The following RGS5 variants were observed in gnomAD, a reference collection of about 807,000 sequenced individuals.
RGS5 encodes the protein regulator of G-protein signalling 5.
RGS5 carries 20 observed loss-of-function variants against 18.9 expected under a neutral mutation model. That is an observed-to-expected ratio of 1.06 (90% confidence interval 0.74 to 1.54). The LOEUF (loss-of-function observed/expected upper bound fraction) is 1.54. Among genes scored for constraint, RGS5 ranks in the 40% most tolerant of loss-of-function variants. The pLI is 0.00. For missense variants in RGS5, 201 were observed against 211.8 expected, an observed-to-expected ratio of 0.95 and a Z score of 0.32; for synonymous variants, 57 against 76.2, an observed-to-expected ratio of 0.75 and a Z score of 1.31.
intron 2 of RGS5, among the ~76,000 whole-genome samples, chr1:163,269,680 A>G (rs1361018523): frequency 6.6e-6 from 1 of 152,192 alleles, no homozygotes. Flanking sequence ...AATGCCTAGA[A>G]TTTAAAAATC....
At position 163,147,206 on chromosome 1, in the gene RGS5, C is replaced by G; in HGVS notation, c.*136G>C. The G allele has an allele frequency of 3.4e-6, 3 of 885,770 alleles. No homozygotes were observed. The highest frequency in any genetic ancestry group is 4.6e-5 in the South Asian group (2 of 43,102). The allele number at this position is 885,770 out of a possible 1,614,324, so 54.9% of individuals were successfully genotyped here. A position where few individuals can be genotyped will look rare whatever the true frequency, so the allele number is the denominator to read the frequency against. On this transcript the variant is annotated 3_prime_UTR_variant, in exon 5 of 5. Coordinates refer to ENST00000313961, the MANE Select transcript of RGS5 (RefSeq NM_003617.4). ...AAGCAGTGTGGGCAAAAAGAGTAAG[C>G]AACATCCCCTGGGATTTTTCCCATG...
chr1:163,150,514 T>C (rs528929949), intron 4 of RGS5, among the ~76,000 whole-genome samples: 9 of 152,268 alleles, frequency 5.9e-5, no homozygotes, highest in Non-Finnish European at 1.0e-4. Context: ...CTTGTCAATA[T>C]ATACAGAGAA....
At chr1:163,182,132 A>G (rs1411157085) in intron 1 of RGS5, among the ~76,000 whole-genome samples, 2 of 152,138 alleles carry the variant, frequency 1.3e-5, no homozygotes, top group African/African-American at 4.8e-5. Flanking sequence ...TGTGTTGATT[A>G]ATAATATGTT....
At chr1:163,175,704 C>T (rs1338075818) in intron 1 of RGS5, among the ~76,000 whole-genome samples, 1 of 152,192 alleles carries the variant, frequency 6.6e-6, no homozygotes, top group Non-Finnish European at 1.5e-5. Context: ...TGTGCTTTAA[C>T]AGCATATGAA....
At chr1:163,151,258 T>C (rs565684335) in intron 4 of RGS5, among the ~76,000 whole-genome samples, 1 of 152,278 alleles carries the variant, frequency 6.6e-6, no homozygotes, top group East Asian at 1.9e-4. Flanking sequence ...ATATTTTGAT[T>C]TTCATGAGTA....
intron 1 of RGS5, among the ~76,000 whole-genome samples, chr1:163,309,498 C>CTTT: frequency 6.7e-6 from 1 of 150,218 alleles, no homozygotes. Context: ...CTAAGGAAAC[C>CTTT]TTTTTTTTTT....
At chr1:163,150,299 T>A (rs1657322784) in intron 4 of RGS5, among the ~76,000 whole-genome samples, 1 of 152,218 alleles carries the variant, frequency 6.6e-6, no homozygotes, top group South Asian at 2.1e-4. Flanking sequence ...TATTTTAGGT[T>A]AATGTCTCAT....
intron 2 of RGS5, among the ~76,000 whole-genome samples, chr1:163,224,523 A>G (rs1259516117): frequency 5.3e-5 from 8 of 152,180 alleles, no homozygotes; most frequent in Admixed American, 2.0e-4. Context: ...GGGAGTGCAG[A>G]TATCTCTTCG....
At chr1:163,284,784 C>T (rs909618764) in intron 2 of RGS5, among the ~76,000 whole-genome samples, 1 of 151,946 alleles carries the variant, frequency 6.6e-6, no homozygotes, top group African/African-American at 2.4e-5. Context: ...TCCCTCTCTC[C>T]TCCCCTCCCT....
intron 1 of RGS5, among the ~76,000 whole-genome samples, chr1:163,173,093 G>T (rs1454945855): frequency 6.6e-6 from 1 of 152,130 alleles, no homozygotes; most frequent in Non-Finnish European, 1.5e-5. Context: ...ACCATCCAGA[G>T]AAGATAATTT....
chr1:163,216,673 G>T (rs753712514), intron 1 of RGS5, among the ~76,000 whole-genome samples: 1 of 152,034 alleles, frequency 6.6e-6, no homozygotes. Flanking sequence ...CTCTAATACT[G>T]GATTCACTGA....
At chr1:163,203,719 C>A (rs1039256352), upstream of RGS5, among the ~76,000 whole-genome samples, 7 of 152,114 alleles carry the variant, frequency 4.6e-5, no homozygotes, top group Non-Finnish European at 8.8e-5. Flanking sequence ...TCTGATTATA[C>A]TTTGCTTGGA....
In RGS5 at chr1:163,147,328, G is replaced by C. The variant is rs773829742; in HGVS notation, c.*14C>G. The C allele has an allele frequency of 6.4e-7, 1 of 1,573,218 alleles. No homozygotes were observed. Among genetic ancestry groups the C allele is most frequent in the Non-Finnish European group, 8.6e-7 (1 of 1,162,790 alleles). ...AAATAACTCACAGGATGATTTCATA[G>C]CCTGGCTAAATTACTACTTGATTAA... On this transcript the variant is annotated 3_prime_UTR_variant, in exon 5 of 5. Transcript: ENST00000313961.
intron 1 of RGS5, among the ~76,000 whole-genome samples, chr1:163,177,479 A>G (rs1475581003): frequency 6.6e-6 from 1 of 152,222 alleles, no homozygotes; most frequent in Admixed American, 6.5e-5. Context: ...GGATTTCATT[A>G]TGCATAGGGT....
chr1:163,257,551 T>C (rs1466158923), intron 2 of RGS5, among the ~76,000 whole-genome samples: 1 of 152,142 alleles, frequency 6.6e-6, no homozygotes, highest in Non-Finnish European at 1.5e-5. Flanking sequence ...CATTTAAAAT[T>C]AATCTTGTTT....
At chr1:163,218,799 T>C (rs1041633627), upstream of RGS5, among the ~76,000 whole-genome samples, 1 of 152,208 alleles carries the variant, frequency 6.6e-6, no homozygotes, top group African/African-American at 2.4e-5. Flanking sequence ...ACAAAGAGAT[T>C]GCCTCAGGAT....
Position 163,144,997 on chromosome 1 carries a change from A to G in RGS5, c.*2345T>C, listed in dbSNP as rs977803833. 1 of 152,212 alleles carries G rather than the reference A, an allele frequency of 6.6e-6. No homozygotes were observed. Among genetic ancestry groups the G allele is most frequent in the African/African-American group, 2.4e-5 (1 of 41,474 alleles). 9.4% of individuals were successfully genotyped at this position (152,212 alleles called of 1,614,324 possible). A position where few individuals can be genotyped will look rare whatever the true frequency, so the allele number is the denominator to read the frequency against. ...TAGATATAGATAGATAGATATATGT[A>G]GATATATAGATATAATGTCACAATA... On this transcript the variant is annotated 3_prime_UTR_variant, in exon 5 of 5. Transcript: ENST00000313961.
chr1:163,267,096 A>G (rs1280251227), intron 2 of RGS5, among the ~76,000 whole-genome samples: 3 of 151,984 alleles, frequency 2.0e-5, no homozygotes, highest in Non-Finnish European at 4.4e-5. Flanking sequence ...CCTAACCCTC[A>G]ATGTAACAGT....
intron 2 of RGS5, among the ~76,000 whole-genome samples, chr1:163,276,477 A>G (rs953707860): frequency 6.6e-6 from 1 of 152,240 alleles, no homozygotes; most frequent in African/African-American, 2.4e-5. Context: ...TTACGTTCGT[A>G]TATCTAATTG....
Sources: gnomAD v4.1 joint callset for allele counts (sites outside exome capture counted in the v4.1 genomes callset) on GRCh38, gnomAD v4.1.1 for gene constraint, MANE v1.5 for transcripts, NCBI Gene and HGNC (gene_info 2026-07-23, HGNC 2026-07-21) for gene names.